RYR3: variants seen among roughly 807,000 people sequenced by gnomAD.
RYR3 encodes ryanodine receptor 3.
Under a neutral mutation model 584.3 loss-of-function variants are expected in RYR3, and 207 were observed. The ratio of observed to expected loss-of-function variants is 0.35; its 90% confidence interval spans 0.32 to 0.40. The LOEUF (loss-of-function observed/expected upper bound fraction) is 0.40. Ranked by LOEUF, RYR3 falls within the 10% of genes least tolerant of loss-of-function variation. RYR3 has a pLI of 1.00. For synonymous variants in RYR3, 2,416 were observed against 2,248.5 expected (o/e 1.07, Z -2.11); for missense variants, 5,616 against 6,089.2 (o/e 0.92, Z 2.59).
intron 85 of RYR3, among the ~76,000 whole-genome samples, chr15:33,829,592 CA>C (rs980100041): frequency 2.9e-4 from 42 of 144,802 alleles, no homozygotes; most frequent in Non-Finnish European, 2.6e-4. Context: ...ACTAAAAATA[CA>C]AAAAAAAAAA....
chr15:33,732,345 G>A (rs1192716228), intron 48 of RYR3, among the ~76,000 whole-genome samples: 1 of 147,788 alleles, frequency 6.8e-6, no homozygotes, highest in Non-Finnish European at 1.5e-5. Context: ...CCGAGATCAT[G>A]CCACTGCACT....
At chr15:33,790,294 TTTTGTTTGTTTG>T (rs140040670) in intron 67 of RYR3, among the ~76,000 whole-genome samples, 20 of 150,296 alleles carry the variant, frequency 1.3e-4, no homozygotes, top group African/African-American at 4.4e-4. Context: ...TGCCCAGCCC[TTTTGTTTGTTTG>T]TTTGTTTGTT....
chr15:33,554,285 C>T (rs2141281352), intron 10 of RYR3, among the ~76,000 whole-genome samples: 1 of 134,422 alleles, frequency 7.4e-6, no homozygotes, highest in South Asian at 2.5e-4. Flanking sequence ...TTCTAACCTC[C>T]ATTATCTTTT....
chr15:33,586,014 G>A lies in RYR3; in HGVS notation c.1686G>A (p.Leu562=). ...LESSSGILEV[L]HCILTESPEA... ...TTCATGTAGGTATCTTGGAAGTTTTGCACTGCATCTTAACTGAAAGCCCAG... is the reference window on the plus strand; with the variant it reads ...TTCATGTAGGTATCTTGGAAGTTTTACACTGCATCTTAACTGAAAGCCCAG... Residue 562 remains leucine (L), a synonymous_variant, in exon 16 of 104, where the codon TTG becomes TTA. Transcript: ENST00000634891. 6.2e-7 allele frequency: 1 copy of A among 1,611,060 alleles called. No homozygotes were observed. The highest frequency in any genetic ancestry group is 8.5e-7 in the Non-Finnish European group (1 of 1,177,330).
intron 1 of RYR3, among the ~76,000 whole-genome samples, chr15:33,460,511 T>C (rs2047932220): frequency 6.6e-6 from 1 of 152,234 alleles, no homozygotes; most frequent in African/African-American, 2.4e-5. Flanking sequence ...CTTTCTTGTA[T>C]TCTGAGGACT....
chr15:33,471,895 T>C (rs770469267), intron 1 of RYR3, among the ~76,000 whole-genome samples: 2 of 152,138 alleles, frequency 1.3e-5, no homozygotes, highest in Non-Finnish European at 2.9e-5. Context: ...TACCTGCCCC[T>C]GACCACCAAT....
chr15:33,826,808 T>C, intron 84 of RYR3, 56 bp downstream of exon 84: 1 of 1,272,930 alleles, frequency 7.9e-7, no homozygotes. Flanking sequence ...AAAACTAGAA[T>C]TCCGTTCAGT....
At chr15:33,525,489 T>G (rs2054318366) in intron 3 of RYR3, among the ~76,000 whole-genome samples, 1 of 152,232 alleles carries the variant, frequency 6.6e-6, no homozygotes, top group African/African-American at 2.4e-5. Context: ...GTCAGTTAAA[T>G]TTAGGGGAAT....
intron 70 of RYR3, among the ~76,000 whole-genome samples, chr15:33,808,007 AAG>A (rs1232419318): frequency 1.3e-5 from 2 of 152,182 alleles, no homozygotes; most frequent in African/African-American, 4.8e-5. Context: ...CCATGATTCA[AAG>A]AGAGTCTTCC....
chr15:33,720,161 G>T (rs2067803494), intron 43 of RYR3, among the ~76,000 whole-genome samples: 1 of 152,166 alleles, frequency 6.6e-6, no homozygotes, highest in African/African-American at 2.4e-5. Flanking sequence ...AACTTAGAGT[G>T]GTACATGCTT....
chr15:33,516,840 A>C (rs1475391424), intron 3 of RYR3, among the ~76,000 whole-genome samples: 4 of 152,092 alleles, frequency 2.6e-5, no homozygotes, highest in African/African-American at 9.7e-5. Flanking sequence ...GACCTTGCAC[A>C]GCATTCTCTC....
At chr15:33,770,567 C>T (rs1345176616) in intron 62 of RYR3, among the ~76,000 whole-genome samples, 3 of 151,986 alleles carry the variant, frequency 2.0e-5, no homozygotes, top group Non-Finnish European at 4.4e-5. Context: ...GTCTGGGCAA[C>T]ATAGACCCCC....
intron 19 of RYR3, among the ~76,000 whole-genome samples, chr15:33,614,198 T>G (rs998941486): frequency 6.6e-6 from 1 of 152,208 alleles, no homozygotes; most frequent in Non-Finnish European, 1.5e-5. Context: ...TTTTCAGTCT[T>G]TCATTTATTC....
At chr15:33,638,311 C>T (rs1052598406) in intron 27 of RYR3, among the ~76,000 whole-genome samples, 1 of 152,186 alleles carries the variant, frequency 6.6e-6, no homozygotes, top group Non-Finnish European at 1.5e-5. Flanking sequence ...CAAGCACCCA[C>T]CTCATGCAGT....
chr15:33,510,935 T>A (rs1223217016), intron 3 of RYR3, among the ~76,000 whole-genome samples: 1 of 152,204 alleles, frequency 6.6e-6, no homozygotes, highest in Non-Finnish European at 1.5e-5. Context: ...TGCAAATAAC[T>A]CACATTTCAT....
At chr15:33,316,911 C>G (rs1214240948) in intron 1 of RYR3, among the ~76,000 whole-genome samples, 3 of 152,198 alleles carry the variant, frequency 2.0e-5, no homozygotes, top group Non-Finnish European at 4.4e-5. Flanking sequence ...GTGTTGGGCT[C>G]ACCCCAGGAT....
intron 1 of RYR3, among the ~76,000 whole-genome samples, chr15:33,354,682 A>G (rs923556900): frequency 2.0e-5 from 3 of 152,218 alleles, no homozygotes; most frequent in Admixed American, 6.5e-5. Flanking sequence ...TAACTCTCAC[A>G]TATACTCTTT....
At chr15:33,342,368 A>G (rs1971926603) in intron 1 of RYR3, among the ~76,000 whole-genome samples, 1 of 152,250 alleles carries the variant, frequency 6.6e-6, no homozygotes, top group Admixed American at 6.5e-5. Context: ...ATGTCCACTG[A>G]AAGTTAAGCC....
At chr15:33,524,578 T>G (rs1222939825) in intron 3 of RYR3, among the ~76,000 whole-genome samples, 3 of 152,212 alleles carry the variant, frequency 2.0e-5, no homozygotes, top group African/African-American at 7.2e-5. Context: ...TATGGCCCTT[T>G]TCATATACTT....
Sources: gnomAD v4.1 joint callset for allele counts (sites outside exome capture counted in the v4.1 genomes callset) on GRCh38, gnomAD v4.1.1 for gene constraint, MANE v1.5 for transcripts, NCBI Gene and HGNC (gene_info 2026-07-23, HGNC 2026-07-21) for gene names.